MMEL1: variants seen among roughly 807,000 people sequenced by gnomAD.
MMEL1 encodes the protein membrane metalloendopeptidase like 1.
MMEL1 carries 98 observed loss-of-function variants against 117.1 expected under a neutral mutation model. That is an observed-to-expected ratio of 0.84 (90% CI 0.71 to 0.99). The LOEUF is 0.99. Ranked by LOEUF, MMEL1 falls within the 50% of genes least tolerant of loss-of-function variation. The probability of loss-of-function intolerance (pLI) is 0.00; values close to 1 mark genes in which losing one functional copy is unlikely to be tolerated. For missense variants in MMEL1, 1,014 were observed against 1,049.1 expected, an observed-to-expected ratio of 0.97 and a Z score of 0.46; for synonymous variants, 390 against 415.1, an observed-to-expected ratio of 0.94 and a Z score of 0.74.
rs753052253 is a variant in MMEL1 at position 2,629,439 on chromosome 1, G to A, written c.46C>T (p.Arg16Cys). ...GPVGMVESAG[R>C]AGQKRPGFLE... ...AACCCCGGGCGCTTCTGCCCTGCACGGCCGGCGCTCTCCACCATCCCCACT... is the reference window on the plus strand; with the variant it reads ...AACCCCGGGCGCTTCTGCCCTGCACAGCCGGCGCTCTCCACCATCCCCACT... The change falls in exon 2 of 24, where the codon CGT (arginine) becomes TGT (cysteine). Residue 16 changes from arginine (R) to cysteine (C), a missense_variant. Coordinates refer to ENST00000378412, the MANE Select transcript of MMEL1 (RefSeq NM_033467.4). The A allele has an allele frequency of 2.8e-5, 43 of 1,543,944 alleles. No homozygotes were observed. In the Admixed American group the frequency reaches 7.5e-4, roughly 27 times the overall value.
At chr1:2,609,503 C>CG in intron 5 of MMEL1, 84 bp from the exon 6 acceptor site, 6 of 1,512,962 alleles carry the variant, frequency 4.0e-6, no homozygotes, top group Non-Finnish European at 5.4e-6. Context: ...CTGAAGTGCT[C>CG]GGCGAGAGGC....
Position 2,611,297 on chromosome 1 carries a change from AG to A in MMEL1, c.275del (p.Pro92LeufsTer4), listed in dbSNP as rs1401007258. 44 of 1,579,406 alleles carry A rather than the reference AG, an allele frequency of 2.8e-5. No individual in the cohort carries two copies. Among genetic ancestry groups the A allele is most frequent in the Non-Finnish European group, 3.8e-5 (44 of 1,164,446 alleles). On this transcript the variant is annotated frameshift_variant, in exon 4 of 24. Transcript: ENST00000378412. LOFTEE classifies it high-confidence loss of function. Reference sequence around the variant, plus strand: ...GGGGCTTACCTGCTATCACGCAGCCAGGGGTGGTGCAGACCTCGCTCACCTC... The same window carrying A: ...GGGGCTTACCTGCTATCACGCAGCCAGGGTGGTGCAGACCTCGCTCACCTC... ...AQEVSEVCTTPGCVIAAARIL... is the reference protein window; with the variant it reads ...AQEVSEVCTTXGCVIAAARIL...
At position 2,594,589 on chromosome 1, in the gene MMEL1, C is replaced by T. The variant is rs918603034; in HGVS notation, c.1689-146G>A. ...CCAAGATCTGGTTCCTTCCTGGGGT[C>T]CCTGAGGAGGAGGCGACTTGGGCCC... On this transcript the variant is annotated intron_variant, in intron 17 of 23. Coordinates refer to ENST00000378412, the MANE Select transcript of MMEL1 (RefSeq NM_033467.4). The T allele has an allele frequency of 8.9e-6, 10 of 1,118,392 alleles. No homozygotes were observed. The African/African-American group carries it at 1.2e-4, about 14-fold the overall frequency. The allele number at this position is 1,118,392 out of a possible 1,614,324, so 69.3% of individuals were successfully genotyped here. A position where few individuals can be genotyped will look rare whatever the true frequency, so the allele number is the denominator to read the frequency against.
At chr1:2,597,943 T>C (rs1475780979) in intron 13 of MMEL1, among the ~76,000 whole-genome samples, 1 of 152,132 alleles carries the variant, frequency 6.6e-6, no homozygotes, top group Non-Finnish European at 1.5e-5. Flanking sequence ...CTTTAAGGTC[T>C]CAAATGTCGC....
At chr1:2,606,116 G>A in intron 8 of MMEL1, 132 bp downstream of exon 8, 1 of 711,798 alleles carries the variant, frequency 1.4e-6, no homozygotes, top group Non-Finnish European at 2.4e-6. Flanking sequence ...GACGTGGACA[G>A]GAGCCAGGAG....
At chr1:2,603,242 C>T in intron 11 of MMEL1, among the ~76,000 whole-genome samples, 1 of 152,204 alleles carries the variant, frequency 6.6e-6, no homozygotes, top group East Asian at 1.9e-4. Context: ...TCTGCCCTTG[C>T]CCTCCCCCCA....
At chr1:2,627,875 AG>A (rs1638345485) in intron 2 of MMEL1, among the ~76,000 whole-genome samples, 1 of 152,132 alleles carries the variant, frequency 6.6e-6, no homozygotes, top group Admixed American at 6.5e-5. Flanking sequence ...GAGGGGGTCC[AG>A]GGCCCGTTTC....
intron 2 of MMEL1, among the ~76,000 whole-genome samples, chr1:2,614,906 C>CA (rs1645179644): frequency 6.6e-6 from 1 of 151,396 alleles, no homozygotes; most frequent in East Asian, 1.9e-4. Context: ...TGCTCCCCCC[C>CA]AAAAAACTCA....
In MMEL1 at chr1:2,590,755, T is replaced by C. The variant is rs1179803491; in HGVS notation, c.*235A>G. 5.0e-6 allele frequency: 2 copies of C among 401,844 alleles called. No individual in the cohort carries two copies. The highest frequency in any genetic ancestry group is 3.6e-5 in the East Asian group (1 of 28,018). The allele number at this position is 401,844 out of a possible 1,614,324, so 24.9% of individuals were successfully genotyped here. On this transcript the variant is annotated 3_prime_UTR_variant, in exon 24 of 24. Coordinates refer to ENST00000378412, the MANE Select transcript of MMEL1 (RefSeq NM_033467.4). ...CTCTACAGAGCTGTGACGGGGGCAC[T>C]GAGCCCCGCGGGTGTCTGTGGAGGG... is the stretch of plus-strand genomic sequence containing the variant.
Position 2,598,648 on chromosome 1 carries a change from C to T in MMEL1, c.1178+6G>A, listed in dbSNP as rs200639766. 326 of 1,613,804 alleles carry T rather than the reference C, an allele frequency of 2.0e-4. No homozygotes were observed. Among genetic ancestry groups the T allele is most frequent in the Middle Eastern group, 5.0e-4 (3 of 6,046 alleles). Reference sequence around the variant, plus strand: ...GAGGCCTTTGGAGACCCTCCCTGGGCCTCACCTGGCTGAGTAGGTGTCGAT... The same window carrying T: ...GAGGCCTTTGGAGACCCTCCCTGGGTCTCACCTGGCTGAGTAGGTGTCGAT... On this transcript the variant is annotated splice_donor_region_variant and intron_variant, in intron 12 of 23. Transcript: ENST00000378412.
chr1:2,595,460 G>A lies in MMEL1; in HGVS notation c.1501-101C>T, dbSNP rs374751160. 43 of 986,450 alleles carry A rather than the reference G, an allele frequency of 4.4e-5. No individual in the cohort carries two copies. In the African/African-American group the frequency reaches 6.3e-4, roughly 15 times the overall value. 61.1% of individuals were successfully genotyped at this position (986,450 alleles called of 1,614,324 possible). On this transcript the variant is annotated intron_variant, in intron 15 of 23. Transcript: ENST00000378412. This position sits in a 1 kb window ranked among gnomAD's most constrained non-coding sequence, Gnocchi z 4.8. Reference sequence around the variant, plus strand: ...CCACACTGTGGGAGGGGTCAGCCCGGGGCATCCTGGCTGTGCTCTCCCTGT... The same window carrying A: ...CCACACTGTGGGAGGGGTCAGCCCGAGGCATCCTGGCTGTGCTCTCCCTGT...
chr1:2,618,811 T>G (rs886309680), intron 2 of MMEL1, among the ~76,000 whole-genome samples: 2 of 151,938 alleles, frequency 1.3e-5, no homozygotes, highest in Non-Finnish European at 1.5e-5. Context: ...AAAAAGAAAA[T>G]CTTACATTAG....
In MMEL1 at chr1:2,631,952, C is replaced by T. The variant is rs972051865; in HGVS notation, c.-38+914G>A. ...GGGGCCTGTAACTAGAATCAGAGGCCGTCACTCCCTGGCCCCTGGTAGCCA... is the reference window on the plus strand; with the variant it reads ...GGGGCCTGTAACTAGAATCAGAGGCTGTCACTCCCTGGCCCCTGGTAGCCA... On this transcript the variant is annotated intron_variant, in intron 1 of 23. Coordinates refer to ENST00000378412, the MANE Select transcript of MMEL1 (RefSeq NM_033467.4). Among the ~76,000 whole-genome samples the T allele has an allele frequency of 3.9e-5, 6 of 152,202 alleles. No individual in the cohort carries two copies. In the East Asian group the frequency reaches 5.8e-4, roughly 15 times the overall value.
chr1:2,616,483 A>G (rs960582317), intron 2 of MMEL1, among the ~76,000 whole-genome samples: 5 of 152,246 alleles, frequency 3.3e-5, no homozygotes, highest in Admixed American at 2.6e-4. Flanking sequence ...GAAAAAAACA[A>G]TAATACATTA....
At position 2,606,287 on chromosome 1, in the gene MMEL1, G is replaced by C; in HGVS notation, c.711C>G (p.Ile237Met). ...FNRRVLIDLF[I>M]WNDDQNSSRH... is the part of the protein sequence containing the mutation. The stretch of plus-strand genomic sequence containing the variant: ...GGCTGGAGTTCTGGTCGTCGTTCCA[G>C]ATGAAGAGGTCGATGAGGACGCGCC... Residue 237 changes from isoleucine to methionine, a missense_variant, in exon 8 of 24, where the codon ATC becomes ATG. Coordinates refer to ENST00000378412, the MANE Select transcript of MMEL1 (RefSeq NM_033467.4). The C allele has an allele frequency of 6.2e-7, 1 of 1,613,264 alleles. No individual in the cohort carries two copies. The highest frequency in any genetic ancestry group is 8.5e-7 in the Non-Finnish European group (1 of 1,179,964).
chr1:2,598,709 A>G lies in MMEL1; in HGVS notation c.1123T>C (p.Tyr375His). 1 of 1,614,150 alleles carries G rather than the reference A, an allele frequency of 6.2e-7. No individual in the cohort carries two copies. Among genetic ancestry groups the G allele is most frequent in the Non-Finnish European group, 8.5e-7 (1 of 1,180,010 alleles). Residue 375 changes from tyrosine to histidine, a missense_variant, in exon 12 of 24, where the codon TAT becomes CAT. Physicochemically the swap from Tyr to His is moderately conservative, Grantham distance 83. Transcript: ENST00000378412. ...KLLPDEEVVV[Y>H]GIPYLQNLEN... ...AGGTTCTGCAGGTAGGGGATGCCATAGACCACCACTTCCTCATCTGGCAGC... is the reference window on the plus strand; with the variant it reads ...AGGTTCTGCAGGTAGGGGATGCCATGGACCACCACTTCCTCATCTGGCAGC...
rs201646674 is a variant in MMEL1, at chr1:2,631,003, G to A, written c.-37-1482C>T. On this transcript the variant is annotated intron_variant, in intron 1 of 23. Coordinates refer to ENST00000378412, the MANE Select transcript of MMEL1 (RefSeq NM_033467.4). ...TGTGACTGTGATTGTGCACCTGTGC[G>A]TGTGCGCTCATGTGCATGTGCATGA... is the stretch of plus-strand genomic sequence containing the variant. Among the ~76,000 whole-genome samples the A allele has an allele frequency of 1.1e-4, 17 of 151,886 alleles. No homozygotes were observed. In the South Asian group the frequency reaches 1.2e-3, roughly 11 times the overall value.
At chr1:2,630,966 T>C (rs965439438) in intron 1 of MMEL1, among the ~76,000 whole-genome samples, 2 of 151,984 alleles carry the variant, frequency 1.3e-5, no homozygotes, top group East Asian at 3.9e-4. Context: ...TGTACGCTCG[T>C]GTGTGCACGT....
Position 2,595,347 on chromosome 1 carries a change from G to A in MMEL1, c.1513C>T (p.Arg505Trp), listed in dbSNP as rs555450007. The change falls in exon 16 of 24, where the codon CGG becomes TGG. Residue 505 changes from arginine to tryptophan, a missense_variant. Arg to Trp is a moderately radical substitution (Grantham distance 101). Coordinates refer to ENST00000378412, the MANE Select transcript of MMEL1 (RefSeq NM_033467.4). The surrounding 1 kb of genome is among the most constrained non-coding windows in gnomAD (Gnocchi z 4.8). ...TAGTCAGGGTGCCCGATCTGCTCCC[G>A]GATGCTCATGGCCTGAGTGGGGAGG... ...KKAQEKAMSI[R>W]EQIGHPDYIL... 39 of 1,613,872 alleles carry A rather than the reference G, an allele frequency of 2.4e-5. No homozygotes were observed. The South Asian group carries it at 4.1e-4, about 17-fold the overall frequency.
Sources: allele counts gnomAD v4.1 joint callset (sites outside exome capture counted in the v4.1 genomes callset), GRCh38; gene constraint gnomAD v4.1.1; non-coding constraint Gnocchi (gnomAD v3.1); transcripts MANE v1.5; gene names NCBI Gene and HGNC (gene_info 2026-07-23, HGNC 2026-07-21).